The following BCL11A variants were observed in gnomAD, a reference collection of about 807,000 sequenced individuals.
BCL11A encodes BCL11 transcription factor A.
In BCL11A, 2 loss-of-function variants were observed where a neutral mutation model predicts 55.9. The observed-to-expected ratio is 0.04, with a 90% CI of 0.01 to 0.11. The LOEUF (loss-of-function observed/expected upper bound fraction) is 0.11. BCL11A is among the 10% of genes least tolerant of loss of function. The pLI is 1.00. For synonymous variants in BCL11A, 465 were observed against 473.4 expected (o/e 0.98, Z 0.23); for missense variants, 817 against 1,137.1 (o/e 0.72, Z 4.05).
rs758937181 is a variant in BCL11A at position 60,461,186 on chromosome 2, C to T, written c.1726G>A (p.Ala576Thr). The T allele has an allele frequency of 6.2e-7, 1 of 1,612,616 alleles. No homozygotes were observed. Among genetic ancestry groups the T allele is most frequent in the South Asian group, 1.1e-5 (1 of 91,068 alleles). Residue 576 changes from alanine to threonine, a missense_variant, in exon 4 of 4, where the codon GCC becomes ACC. Ala to Thr is a moderately conservative substitution (Grantham distance 58, BLOSUM62 0). Transcript: ENST00000642384. Reference sequence around the variant, plus strand: ...GTGTCCCTGTGGCCCTCGGCCTCGGCCAGGTGGCCGCGCTTATGCTTCTCG... The same window carrying T: ...GTGTCCCTGTGGCCCTCGGCCTCGGTCAGGTGGCCGCGCTTATGCTTCTCG... Reference protein sequence around the residue: ...LGEKHKRGHLAEAEGHRDTCD... With the variant: ...LGEKHKRGHLTEAEGHRDTCD...
chr2:60,468,888 A>G (rs993302576), intron 2 of BCL11A, 55 bp from the exon 3 acceptor site: 1 of 1,054,248 alleles, frequency 9.5e-7, no homozygotes, highest in African/African-American at 1.6e-5. Flanking sequence ...TGCATCATAA[A>G]CCACAGGATA....
chr2:60,455,132 C>T (rs887092067), downstream of BCL11A, among the ~76,000 whole-genome samples: 1 of 152,052 alleles, frequency 6.6e-6, no homozygotes, highest in Admixed American at 6.6e-5. Context: ...ATAGAATTTG[C>T]GGTATTCCTG....
At chr2:60,550,391 C>A (rs969041084) in intron 1 of BCL11A, among the ~76,000 whole-genome samples, 1 of 152,198 alleles carries the variant, frequency 6.6e-6, no homozygotes, top group Non-Finnish European at 1.5e-5. Flanking sequence ...TCTGCCTAAC[C>A]GTTCTTTCCC....
chr2:60,534,462 CTT>C (rs2104659639), intron 2 of BCL11A: 1 of 152,338 alleles, frequency 6.6e-6, no homozygotes, highest in East Asian at 1.9e-4. Context: ...ATAGCCAAGG[CTT>C]CCTGCCATCA....
At chr2:60,534,407 C>T (rs1236873406) in intron 2 of BCL11A, 1 of 152,218 alleles carries the variant, frequency 6.6e-6, no homozygotes, top group African/African-American at 2.4e-5. Flanking sequence ...AGTTCTGTAG[C>T]CTTCCCTCCT....
chr2:60,507,380 AGGG>A (rs562790614), intron 2 of BCL11A, among the ~76,000 whole-genome samples: 15 of 40,082 alleles, frequency 3.7e-4, no homozygotes, highest in African/African-American at 2.7e-3. Flanking sequence ...AAGGGAAGGG[AGGG>A]AGGGAAGGAG....
chr2:60,463,425 T>G (rs1269318816), intron 3 of BCL11A, among the ~76,000 whole-genome samples: 1 of 152,222 alleles, frequency 6.6e-6, no homozygotes, highest in East Asian at 1.9e-4. Flanking sequence ...AACCAAATTA[T>G]ACAACATCCT....
chr2:60,461,086 G>A lies in BCL11A; in HGVS notation c.1826C>T (p.Pro609Leu), dbSNP rs1466757077. The A allele has an allele frequency of 1.0e-5, 16 of 1,602,412 alleles. No homozygotes were observed. Among genetic ancestry groups the A allele is most frequent in the African/African-American group, 1.3e-5 (1 of 74,798 alleles). ...CAGGCCCCCCGAGGCCGACTCGCCC[G>A]GGGAGCAGCCGCGGCCATTAACAGT... Reference protein sequence around the residue: ...DGTVNGRGCSPGESASGGLSK... With the variant: ...DGTVNGRGCSLGESASGGLSK... The change falls in exon 4 of 4, where the codon CCG (proline) becomes CTG (leucine). Residue 609 changes from proline (P) to leucine (L), a missense_variant. Pro to Leu is a moderately conservative substitution (Grantham distance 98, BLOSUM62 -3). This residue lies in a region of BCL11A where 379 missense variants were observed against 425.3 expected (regional missense o/e 0.89). Transcript: ENST00000642384.
intron 2 of BCL11A, among the ~76,000 whole-genome samples, chr2:60,521,101 T>A (rs56229225): frequency 8.3e-3 from 220 of 26,554 alleles, no homozygotes; most frequent in South Asian, 0.017. Flanking sequence ...ACACACACAC[T>A]CACACACACA....
intron 2 of BCL11A, among the ~76,000 whole-genome samples, chr2:60,505,175 T>A (rs1279746406): frequency 6.6e-6 from 1 of 152,210 alleles, no homozygotes; most frequent in African/African-American, 2.4e-5. Context: ...ATCCGTATCC[T>A]CATTACTAAC....
At chr2:60,489,908 T>C (rs371406162) in intron 2 of BCL11A, among the ~76,000 whole-genome samples, 2 of 152,310 alleles carry the variant, frequency 1.3e-5, no homozygotes, top group East Asian at 3.9e-4. Context: ...ATCAAAATGA[T>C]AAATGCTATC....
intron 2 of BCL11A, among the ~76,000 whole-genome samples, chr2:60,487,293 A>T (rs1384095042): frequency 6.6e-6 from 1 of 152,242 alleles, no homozygotes; most frequent in Admixed American, 6.5e-5. Flanking sequence ...ATGTCAGCAG[A>T]GCCCATGTTA....
intron 2 of BCL11A, among the ~76,000 whole-genome samples, chr2:60,491,527 C>T (rs1266502182): frequency 6.6e-6 from 1 of 151,942 alleles, no homozygotes; most frequent in Non-Finnish European, 1.5e-5. Context: ...ACAAAATTAG[C>T]CGGGCATGGT....
rs373086848 is a variant in BCL11A, at chr2:60,530,148, C to T, written c.385+15823G>A. Among the ~76,000 whole-genome samples the T allele has an allele frequency of 1.1e-4, 17 of 152,166 alleles. 1 individual carries two copies. Among genetic ancestry groups the T allele is most frequent in the African/African-American group, 4.1e-4 (17 of 41,516 alleles). On this transcript the variant is annotated intron_variant, in intron 2 of 3. Transcript: ENST00000642384. Reference sequence around the variant, plus strand: ...AAGAAAATCGAGAACAAAACAAGCCCAAACACATGGGTTTGCCATCGGTCC... The same window carrying T: ...AAGAAAATCGAGAACAAAACAAGCCTAAACACATGGGTTTGCCATCGGTCC...
Position 60,460,073 on chromosome 2 carries a change from G to A in BCL11A, c.*331C>T, listed in dbSNP as rs980492194. On this transcript the variant is annotated 3_prime_UTR_variant, in exon 4 of 4. Coordinates refer to ENST00000642384, the MANE Select transcript of BCL11A (RefSeq NM_022893.4). The stretch of plus-strand genomic sequence containing the variant: ...GTTTAAAAAAAAACATACACAACAT[G>A]TAAATTATTGCACAAGAGAAAGGCT... The A allele has an allele frequency of 5.7e-5, 63 of 1,096,334 alleles. 1 individual carries two copies. The highest frequency in any genetic ancestry group is 6.8e-5 in the Non-Finnish European group (61 of 902,578). The allele number at this position is 1,096,334 out of a possible 1,614,324, so 67.9% of individuals were successfully genotyped here. A position where few individuals can be genotyped will look rare whatever the true frequency, so the allele number is the denominator to read the frequency against.
At chr2:60,550,337 T>C (rs1200568981) in intron 1 of BCL11A, among the ~76,000 whole-genome samples, 1 of 152,044 alleles carries the variant, frequency 6.6e-6, no homozygotes, top group Non-Finnish European at 1.5e-5. Context: ...AAAGTCAAAA[T>C]GAAGAACAAA....
downstream of BCL11A, among the ~76,000 whole-genome samples, chr2:60,454,163 G>C (rs1054304691): frequency 2.0e-5 from 3 of 152,262 alleles, no homozygotes; most frequent in South Asian, 2.1e-4. Context: ...GCAAGCAGAA[G>C]TGCAGACCGG....
chr2:60,459,827 A>G lies in BCL11A; in HGVS notation c.*577T>C. ...CTCATAGAGATTTTTTTTCAGTGCT[A>G]TCTATTCTGTCTATAGAGGGTTAAT... On this transcript the variant is annotated 3_prime_UTR_variant, in exon 4 of 4. Transcript: ENST00000642384. 23 of 1,043,610 alleles carry G rather than the reference A, an allele frequency of 2.2e-5. No homozygotes were observed. The highest frequency in any genetic ancestry group is 2.5e-5 in the Non-Finnish European group (22 of 865,534). 64.6% of individuals were successfully genotyped at this position (1,043,610 alleles called of 1,614,324 possible).
Position 60,553,327 on chromosome 2 carries a change from C to T in BCL11A, c.-57G>A. On this transcript the variant is annotated 5_prime_UTR_variant, in exon 1 of 4. Transcript: ENST00000642384. ...GGCGGCGGCGGCGGGCGGACGACGG[C>T]TCGGTTCACATCGGGAGAGCCGGGT... The T allele has an allele frequency of 6.6e-7, 1 of 1,508,464 alleles. No homozygotes were observed. Among genetic ancestry groups the T allele is most frequent in the Non-Finnish European group, 8.9e-7 (1 of 1,128,588 alleles). 93.4% of individuals were successfully genotyped at this position (1,508,464 alleles called of 1,614,324 possible).
Sources: allele counts gnomAD v4.1 joint callset (sites outside exome capture counted in the v4.1 genomes callset), GRCh38; gene constraint gnomAD v4.1.1; regional missense constraint gnomAD v4.1.1; transcripts MANE v1.5; gene names NCBI Gene and HGNC (gene_info 2026-07-23, HGNC 2026-07-21).